The following CYTH4 variants were observed in gnomAD, a reference collection of about 807,000 sequenced individuals.
CYTH4 encodes the protein cytohesin 4.
A neutral mutation model predicts 57.5 loss-of-function variants in CYTH4; 22 were observed. That is an observed-to-expected ratio of 0.38 (90% CI 0.27 to 0.55). The LOEUF is 0.55. CYTH4 is among the 20% of genes least tolerant of loss of function. CYTH4 has a pLI of 0.74. For missense variants in CYTH4, 420 were observed against 535.6 expected (o/e 0.78, Z 2.13); for synonymous variants, 186 against 206.5 (o/e 0.90, Z 0.85).
rs142974692 is a variant in CYTH4, at chr22:37,286,062, G to A, written c.19+3474G>A. ...ATGCAATCCCACTCCCCTGGGAACC[G>A]TGCCTCAGTTTCCCCAGCTCTGCAA... is the stretch of plus-strand genomic sequence containing the variant. On this transcript the variant is annotated intron_variant, in intron 1 of 12. Coordinates refer to ENST00000248901, the MANE Select transcript of CYTH4 (RefSeq NM_013385.5). Among the ~76,000 whole-genome samples, 96 of 152,012 alleles carry A rather than the reference G, an allele frequency of 6.3e-4. No homozygotes were observed. In the Middle Eastern group the frequency reaches 0.014, roughly 22 times the overall value.
chr22:37,295,929 G>A lies in CYTH4; in HGVS notation c.168-70G>A. 6.6e-7 allele frequency: 1 copy of A among 1,522,192 alleles called. No individual in the cohort carries two copies. The highest frequency in any genetic ancestry group is 9.0e-7 in the Non-Finnish European group (1 of 1,113,842). 94.3% of individuals were successfully genotyped at this position (1,522,192 alleles called of 1,614,324 possible). On this transcript the variant is annotated intron_variant, in intron 3 of 12. Transcript: ENST00000248901. This position sits in a 1 kb window ranked among gnomAD's most constrained non-coding sequence, Gnocchi z 4.1. ...GGGTATGGGCTCCTGCTGAGGCAAG[G>A]GTCCTTGGGGAGTGGAGAGGGTAAT...
intron 6 of CYTH4, chr22:37,300,135 T>G (rs1456424579): frequency 1.4e-6 from 1 of 717,620 alleles, no homozygotes; most frequent in African/African-American, 1.7e-5. Context: ...TAAGTCTTGA[T>G]GCTGCTTGAA....
At chr22:37,285,648 T>C (rs9622597) in intron 1 of CYTH4, among the ~76,000 whole-genome samples, 4,004 of 151,812 alleles carry the variant, frequency 0.026, 203 homozygotes, top group African/African-American at 0.092. Context: ...GAGGTGGAGG[T>C]TGCAGTGAGC....
Position 37,313,548 on chromosome 22 carries a change from A to G in CYTH4, c.*37A>G, listed in dbSNP as rs767186982. 2.5e-6 allele frequency: 4 copies of G among 1,600,352 alleles called. No homozygotes were observed. The highest frequency in any genetic ancestry group is 8.6e-7 in the Non-Finnish European group (1 of 1,167,550). Reference sequence around the variant, plus strand: ...GTGGCACTGGGGGCTGGTCACCCTGAGAGTCCCATCGCCTGCAGCACCTGG... The same window carrying G: ...GTGGCACTGGGGGCTGGTCACCCTGGGAGTCCCATCGCCTGCAGCACCTGG... On this transcript the variant is annotated 3_prime_UTR_variant, in exon 13 of 13. Coordinates refer to ENST00000248901, the MANE Select transcript of CYTH4 (RefSeq NM_013385.5).
Position 37,313,618 on chromosome 22 carries a change from C to T in CYTH4, c.*107C>T. On this transcript the variant is annotated 3_prime_UTR_variant, in exon 13 of 13. Coordinates refer to ENST00000248901, the MANE Select transcript of CYTH4 (RefSeq NM_013385.5). ...GTGCACTCTTTTGGGCCACAGACAT[C>T]ATTGCTGTTCCCCGTTACCTCGAGC... 9.8e-7 allele frequency: 1 copy of T among 1,018,460 alleles called. No homozygotes were observed. Among genetic ancestry groups the T allele is most frequent in the Non-Finnish European group, 1.5e-6 (1 of 659,510 alleles). The allele number at this position is 1,018,460 out of a possible 1,614,324, so 63.1% of individuals were successfully genotyped here.
At chr22:37,310,075 G>A (rs1036860909) in intron 9 of CYTH4, 1 of 456,978 alleles carries the variant, frequency 2.2e-6, no homozygotes, top group Admixed American at 2.4e-5. Flanking sequence ...TCTCAACCTG[G>A]CTCACCTCCA....
rs2145862802 is a variant in CYTH4, at chr22:37,299,440, G to T, written c.434+134G>T. 4.8e-6 allele frequency: 4 copies of T among 827,198 alleles called. No homozygotes were observed. The East Asian group carries it at 8.0e-5, about 16-fold the overall frequency. The allele number at this position is 827,198 out of a possible 1,614,324, so 51.2% of individuals were successfully genotyped here. Reference sequence around the variant, plus strand: ...AGAAGAGGAGGCAAGGAACAAGAATGACTTCATGATAGTACTGCCTCACAG... The same window carrying T: ...AGAAGAGGAGGCAAGGAACAAGAATTACTTCATGATAGTACTGCCTCACAG... On this transcript the variant is annotated intron_variant, in intron 6 of 12. Transcript: ENST00000248901.
At chr22:37,287,823 A>G (rs1381563036) in intron 1 of CYTH4, among the ~76,000 whole-genome samples, 1 of 152,172 alleles carries the variant, frequency 6.6e-6, no homozygotes, top group African/African-American at 2.4e-5. Flanking sequence ...GAAAATACCT[A>G]CTTCAAAGAG....
At chr22:37,294,818 C>T (rs1040159621) in intron 3 of CYTH4, 94 bp downstream of exon 3, 17 of 1,451,506 alleles carry the variant, frequency 1.2e-5, no homozygotes, top group Non-Finnish European at 1.6e-5. Flanking sequence ...TCCCAGCCCC[C>T]TGGACCTGGT....
intron 8 of CYTH4, among the ~76,000 whole-genome samples, chr22:37,308,071 A>C (rs967499751): frequency 6.6e-6 from 1 of 152,122 alleles, no homozygotes; most frequent in South Asian, 2.1e-4. Context: ...CCCATCCAGC[A>C]TAGGTCTGCT....
In CYTH4 at chr22:37,312,028, G is replaced by C; in HGVS notation, c.966G>C (p.Leu322=). 1 of 1,613,904 alleles carries C rather than the reference G, an allele frequency of 6.2e-7. No homozygotes were observed. Among genetic ancestry groups the C allele is most frequent in the Non-Finnish European group, 8.5e-7 (1 of 1,179,892 alleles). ...KVDDPKKPFC[L]ELYNPSCRGQ... is the part of the protein sequence containing the mutation. ...TGGCCACCTCCCCACAGTTCTGCCT[G>C]GAGCTCTACAACCCTAGCTGCCGAG... The change falls in exon 12 of 13, where the codon CTG becomes CTC. Residue 322 remains leucine, a synonymous_variant. Transcript: ENST00000248901.
At chr22:37,297,897 T>C (rs1049925992) in intron 5 of CYTH4, 15 of 445,378 alleles carry the variant, frequency 3.4e-5, no homozygotes, top group Admixed American at 6.9e-5. Context: ...TTGCTCAGGG[T>C]CTACTGTGTT....
At chr22:37,302,937 G>A (rs1462069317) in intron 7 of CYTH4, among the ~76,000 whole-genome samples, 1 of 142,482 alleles carries the variant, frequency 7.0e-6, no homozygotes, top group African/African-American at 2.5e-5. Flanking sequence ...CGGGGAGGAG[G>A]TCCTGAGCCG....
intron 2 of CYTH4, among the ~76,000 whole-genome samples, chr22:37,293,956 A>G (rs1416321921): frequency 6.6e-6 from 1 of 151,794 alleles, no homozygotes; most frequent in Non-Finnish European, 1.5e-5. Flanking sequence ...AAGAGGGCCT[A>G]GGCTGCCTGT....
Position 37,296,137 on chromosome 22 carries a change from G to A in CYTH4, c.234+72G>A, listed in dbSNP as rs140445521. 657 of 1,448,202 alleles carry A rather than the reference G, an allele frequency of 4.5e-4. 4 individuals are homozygous for A. The African/African-American group carries it at 7.8e-3, about 17-fold the overall frequency. 89.7% of individuals were successfully genotyped at this position (1,448,202 alleles called of 1,614,324 possible). ...GGGAGCACCTGCCTGGTGTCCTCTC[G>A]CTCCCCTCGGCTGACACGACCCCTT... On this transcript the variant is annotated intron_variant, in intron 4 of 12. Transcript: ENST00000248901.
chr22:37,312,282 C>T, intron 12 of CYTH4, 108 bp downstream of exon 12: 1 of 1,441,970 alleles, frequency 6.9e-7, no homozygotes, highest in Non-Finnish European at 9.3e-7. Flanking sequence ...CAGTCTCTCC[C>T]TCCTGTTTCT....
intron 1 of CYTH4, among the ~76,000 whole-genome samples, chr22:37,287,548 C>T (rs973211158): frequency 1.3e-5 from 2 of 152,234 alleles, no homozygotes; most frequent in African/African-American, 2.4e-5. Flanking sequence ...ATGAGACCAA[C>T]GGCCTCCCCG....
chr22:37,306,588 C>T (rs1929406323), intron 8 of CYTH4, among the ~76,000 whole-genome samples: 1 of 152,220 alleles, frequency 6.6e-6, no homozygotes, highest in South Asian at 2.1e-4. Flanking sequence ...TTTCCAGCTA[C>T]CAGTTACTTC....
chr22:37,308,686 G>A (rs914177460), intron 8 of CYTH4, among the ~76,000 whole-genome samples: 1 of 151,292 alleles, frequency 6.6e-6, no homozygotes, highest in Admixed American at 6.6e-5. Context: ...GCATGTGTAA[G>A]TATGCATGTA....
Sources: allele counts gnomAD v4.1 joint callset (sites outside exome capture counted in the v4.1 genomes callset), GRCh38; gene constraint gnomAD v4.1.1; non-coding constraint Gnocchi (gnomAD v3.1); transcripts MANE v1.5; gene names NCBI Gene and HGNC (gene_info 2026-07-23, HGNC 2026-07-21).